The following SLC71A2 variants were observed in gnomAD, a reference collection of about 807,000 sequenced individuals.
SLC71A2 encodes the protein solute carrier family 71 member 2, also known as hippocampus abundant transcript-like 1.
chr9:94,441,066 T>C, the SLC71A2 span: 1 of 1,610,010 alleles, frequency 6.2e-7, no homozygotes, highest in Non-Finnish European at 8.5e-7. Context: ...CTGATGTCAC[T>C]CAGGAGCACG....
chr9:94,453,858 GA>G, the SLC71A2 span: 1 of 781,472 alleles, frequency 1.3e-6, no homozygotes, highest in Admixed American at 1.9e-5. Flanking sequence ...TGTGCCCTTA[GA>G]GGTCTCTGGT....
chr9:94,377,502 T>C, the SLC71A2 span, among the ~76,000 whole-genome samples: 3 of 147,480 alleles, frequency 2.0e-5, no homozygotes, highest in African/African-American at 7.4e-5. Flanking sequence ...CCTGAGTAGC[T>C]GGGACAACAG....
chr9:94,450,710 C>G, the SLC71A2 span, among the ~76,000 whole-genome samples: 1 of 151,930 alleles, frequency 6.6e-6, no homozygotes. Context: ...AGGCTGGTCT[C>G]GAACTGCTGA....
At chr9:94,456,003 A>AAAATCAAG in the SLC71A2 span, among the ~76,000 whole-genome samples, 113 of 152,202 alleles carry the variant, frequency 7.4e-4, no homozygotes, top group Non-Finnish European at 1.2e-3. Context: ...TAAAAGAAGT[A>AAAATCAAG]AAATCAAGAC....
At chr9:94,403,832 ATCT>A in the SLC71A2 span, among the ~76,000 whole-genome samples, 2 of 152,190 alleles carry the variant, frequency 1.3e-5, no homozygotes, top group Non-Finnish European at 2.9e-5. Context: ...GCCAGCACTT[ATCT>A]TCTTATTTAA....
the SLC71A2 span, chr9:94,447,035 A>T: frequency 1.5e-6 from 1 of 655,264 alleles, no homozygotes. Context: ...AGGAAAAAAC[A>T]TGTGAACTTG....
At chr9:94,438,011 C>G in the SLC71A2 span, among the ~76,000 whole-genome samples, 1 of 152,080 alleles carries the variant, frequency 6.6e-6, no homozygotes, top group Non-Finnish European at 1.5e-5. Flanking sequence ...TCACTGCAGC[C>G]TCTGCCTCTC....
At chr9:94,452,723 A>G in the SLC71A2 span, among the ~76,000 whole-genome samples, 4 of 99,926 alleles carry the variant, frequency 4.0e-5, no homozygotes, top group African/African-American at 1.1e-4. Context: ...TCATATATAT[A>G]TAATAGATAT....
chr9:94,459,495 G>T, the SLC71A2 span: 4 of 1,478,406 alleles, frequency 2.7e-6, no homozygotes, highest in Non-Finnish European at 3.7e-6. Context: ...CATGGTGCTG[G>T]ATGGGAGACG....
chr9:94,394,126 G>T, the SLC71A2 span, among the ~76,000 whole-genome samples: 198 of 140,822 alleles, frequency 1.4e-3, no homozygotes, highest in Non-Finnish European at 2.3e-3. Flanking sequence ...AATTTGGGTT[G>T]TGGTTAATAA....
At chr9:94,433,318 C>T in the SLC71A2 span, 2 of 154,892 alleles carry the variant, frequency 1.3e-5, no homozygotes, top group Non-Finnish European at 2.9e-5. Context: ...ACAGCCTTTC[C>T]CACAGGTGCA....
the SLC71A2 span, among the ~76,000 whole-genome samples, chr9:94,407,934 A>G: frequency 5.9e-5 from 9 of 152,106 alleles, no homozygotes; most frequent in African/African-American, 2.2e-4. Flanking sequence ...TTTACACTCT[A>G]TATGCTGCCC....
At chr9:94,391,677 C>G in the SLC71A2 span, among the ~76,000 whole-genome samples, 1 of 148,970 alleles carries the variant, frequency 6.7e-6, no homozygotes, top group Non-Finnish European at 1.5e-5. Context: ...TGCCTCTGTT[C>G]AGGAGTTTGA....
At chr9:94,401,232 G>A in the SLC71A2 span, among the ~76,000 whole-genome samples, 11 of 151,996 alleles carry the variant, frequency 7.2e-5, no homozygotes, top group Non-Finnish European at 1.0e-4. Flanking sequence ...GTGCAGTGGC[G>A]CGATCTTGGC....
chr9:94,459,348 A>C, the SLC71A2 span: 10 of 1,614,020 alleles, frequency 6.2e-6, no homozygotes, highest in Non-Finnish European at 8.5e-6. Flanking sequence ...CCACTACTGC[A>C]AGACAGCAGC....
the SLC71A2 span, among the ~76,000 whole-genome samples, chr9:94,425,414 A>T: frequency 6.6e-6 from 1 of 152,244 alleles, no homozygotes; most frequent in Admixed American, 6.5e-5. Context: ...AGAGCTGATT[A>T]TAAAATATAT....
At chr9:94,444,828 G>A in the SLC71A2 span, 5 of 695,154 alleles carry the variant, frequency 7.2e-6, no homozygotes, top group African/African-American at 8.9e-5. Context: ...ATGGCTGCAG[G>A]TATGCACCTG....
chr9:94,402,362 C>T, the SLC71A2 span, among the ~76,000 whole-genome samples: 3 of 152,040 alleles, frequency 2.0e-5, no homozygotes, highest in African/African-American at 2.4e-5. Context: ...GATACATTCA[C>T]GTACCATACA....
the SLC71A2 span, chr9:94,460,389 TC>T: frequency 6.6e-6 from 1 of 152,632 alleles, no homozygotes. Context: ...CCTTAACTGC[TC>T]TGAGTATGCA....
Sources: allele counts gnomAD v4.1 joint callset (sites outside exome capture counted in the v4.1 genomes callset), GRCh38; gene constraint gnomAD v4.1.1; transcripts MANE v1.5; gene names NCBI Gene and HGNC (gene_info 2026-07-23, HGNC 2026-07-21).